Variants in LRRC7 observed in about 807,000 individuals in gnomAD.
LRRC7 encodes the protein leucine-rich repeat-containing protein 7.
LRRC7 carries 23 observed loss-of-function variants against 175.7 expected under a neutral mutation model. That is an observed-to-expected ratio of 0.13 (90% confidence interval 0.09 to 0.19). The LOEUF (loss-of-function observed/expected upper bound fraction) is 0.19, where lower values mean the gene tolerates loss of function less well. Ranked by LOEUF, LRRC7 falls within the 10% of genes least tolerant of loss-of-function variation. The pLI is 1.00. For missense variants in LRRC7, 1,354 were observed against 1,904.7 expected, an observed-to-expected ratio of 0.71 and a Z score of 5.38; for synonymous variants, 685 against 680.9, an observed-to-expected ratio of 1.01 and a Z score of -0.09.
intron 7 of LRRC7, among the ~76,000 whole-genome samples, chr1:69,873,052 G>C (rs1312648170): frequency 6.6e-6 from 1 of 152,040 alleles, no homozygotes; most frequent in Non-Finnish European, 1.5e-5. Context: ...TTTCTATTAT[G>C]CCTTAAACAG....
At chr1:69,743,894 T>C (rs1446951046) in intron 2 of LRRC7, among the ~76,000 whole-genome samples, 1 of 151,970 alleles carries the variant, frequency 6.6e-6, no homozygotes, top group Non-Finnish European at 1.5e-5. Context: ...TTTTGTCTGA[T>C]ACTCTGATAT....
intron 2 of LRRC7, among the ~76,000 whole-genome samples, chr1:69,752,552 T>G (rs751429486): frequency 1.3e-5 from 2 of 152,144 alleles, no homozygotes; most frequent in Non-Finnish European, 2.9e-5. Context: ...GTGGTTGAAA[T>G]TATCTTTGGT....
intron 8 of LRRC7, among the ~76,000 whole-genome samples, chr1:69,972,421 A>G (rs969386364): frequency 1.3e-5 from 2 of 152,242 alleles, no homozygotes; most frequent in Non-Finnish European, 2.9e-5. Context: ...CTAATTAGCA[A>G]GAAAACAAAC....
intron 7 of LRRC7, among the ~76,000 whole-genome samples, chr1:69,922,485 A>G (rs1410480252): frequency 6.6e-6 from 1 of 152,186 alleles, no homozygotes; most frequent in Non-Finnish European, 1.5e-5. Flanking sequence ...TTCCACTTGT[A>G]ATTTCTCTCG....
At chr1:69,655,359 T>C (rs1439749620) in intron 1 of LRRC7, among the ~76,000 whole-genome samples, 3 of 151,796 alleles carry the variant, frequency 2.0e-5, no homozygotes, top group Non-Finnish European at 4.4e-5. Flanking sequence ...TACAGCTTCT[T>C]GTAGTTTTCT....
intron 9 of LRRC7, among the ~76,000 whole-genome samples, chr1:69,980,729 G>T (rs1437271115): frequency 6.6e-6 from 1 of 151,902 alleles, no homozygotes; most frequent in East Asian, 1.9e-4. Context: ...TTCTTTAAAA[G>T]CTGAAAGAAT....
At chr1:69,807,757 T>C (rs1677307405) in intron 4 of LRRC7, among the ~76,000 whole-genome samples, 1 of 151,898 alleles carries the variant, frequency 6.6e-6, no homozygotes, top group Non-Finnish European at 1.5e-5. Flanking sequence ...ACCTTGGTGG[T>C]TCAGACAATT....
intron 22 of LRRC7, 61 bp downstream of exon 22, chr1:70,044,155 C>T: frequency 6.4e-7 from 1 of 1,566,592 alleles, no homozygotes; most frequent in South Asian, 1.2e-5. Flanking sequence ...TGTTTGTTCA[C>T]TTAATGTGTT....
chr1:69,580,896 C>A (rs1243321721), intron 1 of LRRC7, among the ~76,000 whole-genome samples: 1 of 152,186 alleles, frequency 6.6e-6, no homozygotes, highest in East Asian at 1.9e-4. Flanking sequence ...GAAGAAGTAG[C>A]ATCTTTGATG....
intron 11 of LRRC7, among the ~76,000 whole-genome samples, chr1:70,004,421 A>C (rs766233721): frequency 6.6e-6 from 1 of 152,156 alleles, no homozygotes; most frequent in Non-Finnish European, 1.5e-5. Flanking sequence ...TCTGAAAATG[A>C]GTATAGCAGC....
In LRRC7 at chr1:70,126,987, G is replaced by A. The variant is rs1666479135; in HGVS notation, c.*5100G>A. 6.6e-6 allele frequency among the ~76,000 whole-genome samples: 1 copy of A among 152,216 alleles called. No individual in the cohort carries two copies. Among genetic ancestry groups the A allele is most frequent in the Admixed American group, 6.5e-5 (1 of 15,282 alleles). On this transcript the variant is annotated 3_prime_UTR_variant, in exon 27 of 27. Transcript: ENST00000651989. ...AACACAGATAAGAGACCCTCTTAGA[G>A]TGATAGCTGTTCGGAGAGCCTTGAG...
At chr1:69,790,926 C>T (rs1193694489) in intron 3 of LRRC7, among the ~76,000 whole-genome samples, 2 of 151,958 alleles carry the variant, frequency 1.3e-5, no homozygotes, top group Non-Finnish European at 2.9e-5. Context: ...TAAGTAACAA[C>T]CAGCCCAATT....
chr1:69,642,141 G>T (rs549723503), intron 1 of LRRC7, among the ~76,000 whole-genome samples: 10 of 151,832 alleles, frequency 6.6e-5, no homozygotes, highest in Non-Finnish European at 1.3e-4. Flanking sequence ...TTGCTATTAT[G>T]ATAATTTTAT....
chr1:69,865,342 G>A (rs1203602207), intron 7 of LRRC7, among the ~76,000 whole-genome samples: 1 of 151,876 alleles, frequency 6.6e-6, no homozygotes, highest in Non-Finnish European at 1.5e-5. Flanking sequence ...AACGAGCTAA[G>A]GGTAGCTATA....
intron 7 of LRRC7, among the ~76,000 whole-genome samples, chr1:69,848,304 T>C (rs1332109371): frequency 6.6e-6 from 1 of 152,062 alleles, no homozygotes; most frequent in Non-Finnish European, 1.5e-5. Flanking sequence ...AAGCAACTGC[T>C]GAGCAGTGTG....
intron 1 of LRRC7, among the ~76,000 whole-genome samples, chr1:69,626,174 C>T (rs1004592964): frequency 1.3e-5 from 2 of 152,114 alleles, no homozygotes; most frequent in Non-Finnish European, 2.9e-5. Flanking sequence ...ATTCTTATTT[C>T]TAGGGTGTAA....
rs75706885 is a variant in LRRC7 at position 69,851,190 on chromosome 1, A to G, written c.647+12907A>G. On this transcript the variant is annotated intron_variant, in intron 7 of 26. Coordinates refer to ENST00000651989, the MANE Select transcript of LRRC7 (RefSeq NM_001370785.2). ...CATTAGCAAGATACAGGTCATTGAG[A>G]GGAGTTTGATAAGAGCTATTTTAGT... is the stretch of plus-strand genomic sequence containing the variant. Among the ~76,000 whole-genome samples the G allele has an allele frequency of 3.9e-3, 598 of 152,298 alleles. 3 individuals carry two copies. Among genetic ancestry groups the G allele is most frequent in the African/African-American group, 0.013 (554 of 41,580 alleles).
intron 22 of LRRC7, among the ~76,000 whole-genome samples, chr1:70,045,834 GAACT>G (rs1660285587): frequency 6.6e-6 from 1 of 152,032 alleles, no homozygotes; most frequent in Non-Finnish European, 1.5e-5. Context: ...TTGTGCAGGG[GAACT>G]CCCATTTATA....
intron 1 of LRRC7, among the ~76,000 whole-genome samples, chr1:69,571,245 C>T (rs1645727414): frequency 6.6e-6 from 1 of 152,184 alleles, no homozygotes; most frequent in Non-Finnish European, 1.5e-5. Context: ...TTAGAAACAA[C>T]TTCATAAAGA....
Sources: gnomAD v4.1 joint callset for allele counts (sites outside exome capture counted in the v4.1 genomes callset) on GRCh38, gnomAD v4.1.1 for gene constraint, MANE v1.5 for transcripts, NCBI Gene and HGNC (gene_info 2026-07-23, HGNC 2026-07-21) for gene names.